Variants in NAA35 observed in about 807,000 individuals in gnomAD.
NAA35 encodes the protein MAK10 homolog, amino-acid N-acetyltransferase subunit.
A neutral mutation model predicts 101.7 loss-of-function variants in NAA35; 18 were observed. The observed-to-expected ratio is 0.18, with a 90% CI of 0.12 to 0.26. The LOEUF (loss-of-function observed/expected upper bound fraction) is 0.26, where lower values mean the gene tolerates loss of function less well. Among genes scored for constraint, NAA35 ranks in the 10% least tolerant of loss-of-function variants. The probability of loss-of-function intolerance (pLI) is 1.00; values close to 1 mark genes in which losing one functional copy is unlikely to be tolerated. For missense variants in NAA35, 601 were observed against 886.8 expected, an observed-to-expected ratio of 0.68 and a Z score of 4.09; for synonymous variants, 267 against 273.1, an observed-to-expected ratio of 0.98 and a Z score of 0.22.
chr9:86,003,361 A>G (rs868404045), intron 12 of NAA35, among the ~76,000 whole-genome samples: 2 of 152,112 alleles, frequency 1.3e-5, no homozygotes, highest in South Asian at 4.1e-4. Flanking sequence ...ACACAATTCT[A>G]TGATTGGTCA....
In NAA35 at chr9:85,966,610, AGAACT is replaced by A; in HGVS notation, c.516+4433_516+4437del. ...CTTGATCTCAGATTTCGCGGCTCCT[AGAACT>A]GATTGATTTTCATGAATATAATTTT... On this transcript the variant is annotated intron_variant, in intron 6 of 22. Transcript: ENST00000361671. The A allele has an allele frequency of 3.1e-6, 4 of 1,296,492 alleles. 1 individual carries two copies. The highest frequency in any genetic ancestry group is 2.5e-5 in the South Asian group (2 of 79,826). 80.3% of individuals were successfully genotyped at this position (1,296,492 alleles called of 1,614,324 possible). A position where few individuals can be genotyped will look rare whatever the true frequency, so the allele number is the denominator to read the frequency against.
chr9:85,987,571 C>T (rs148832305), intron 11 of NAA35, among the ~76,000 whole-genome samples: 94 of 152,228 alleles, frequency 6.2e-4, no homozygotes, highest in Middle Eastern at 3.4e-3. Flanking sequence ...TAAAAAAGTC[C>T]GTGCATACCC....
At chr9:85,981,777 T>C (rs1830450517) in intron 11 of NAA35, among the ~76,000 whole-genome samples, 1 of 152,206 alleles carries the variant, frequency 6.6e-6, no homozygotes, top group Non-Finnish European at 1.5e-5. Context: ...CCCTTAATCA[T>C]AAGCTGTACG....
chr9:85,941,757 C>G (rs1179501675), intron 1 of NAA35: 80 of 989,998 alleles, frequency 8.1e-5, no homozygotes, highest in Non-Finnish European at 9.5e-5. Flanking sequence ...CCTTGATTGA[C>G]TTCGGTAGCT....
At position 85,982,769 on chromosome 9, in the gene NAA35, C is replaced by G. The variant is rs57639111; in HGVS notation, c.877+4388C>G. Among the ~76,000 whole-genome samples the G allele has an allele frequency of 3.9e-3, 589 of 151,956 alleles. 20 individuals carry two copies. The East Asian group carries it at 0.076, about 20-fold the overall frequency. On this transcript the variant is annotated intron_variant, in intron 11 of 22. Transcript: ENST00000361671. ...TTTGCTTTCTGAAATTCCAAACAAG[C>G]AATGAAGAAGTGATTTTTTTCTTTC...
In NAA35 at chr9:86,024,079, AC is replaced by A. The variant is rs1832680364; in HGVS notation, c.*2120del. On this transcript the variant is annotated 3_prime_UTR_variant, in exon 23 of 23. Coordinates refer to ENST00000361671, the MANE Select transcript of NAA35 (RefSeq NM_024635.4). ...CCATTCAAGGTACTTACTGAAAAAA[AC>A]AATAGGAGAAATAAGACAGTCTCCT... is the stretch of plus-strand genomic sequence containing the variant. Among the ~76,000 whole-genome samples the A allele has an allele frequency of 6.6e-6, 1 of 152,258 alleles. No homozygotes were observed. The highest frequency in any genetic ancestry group is 2.4e-5 in the African/African-American group (1 of 41,474).
At position 85,975,098 on chromosome 9, in the gene NAA35, T is replaced by C. The variant is rs550791998; in HGVS notation, c.584-16T>C. On this transcript the variant is annotated splice_polypyrimidine_tract_variant and intron_variant, in intron 7 of 22. Transcript: ENST00000361671. Reference sequence around the variant, plus strand: ...TTCATATGTTTCCTTTTAAAACTTATTGTTTCTTTTTCTAGGCATGCTAAA... The same window carrying C: ...TTCATATGTTTCCTTTTAAAACTTACTGTTTCTTTTTCTAGGCATGCTAAA... 55 of 1,613,298 alleles carry C rather than the reference T, an allele frequency of 3.4e-5. No homozygotes were observed. Among genetic ancestry groups the C allele is most frequent in the African/African-American group, 2.5e-4 (19 of 74,998 alleles).
intron 5 of NAA35, among the ~76,000 whole-genome samples, chr9:85,960,099 T>A (rs544592999): frequency 1.3e-5 from 2 of 152,240 alleles, no homozygotes; most frequent in African/African-American, 2.4e-5. Flanking sequence ...GAAGATAATA[T>A]TATAGCCGTG....
chr9:86,007,361 A>G lies in NAA35; in HGVS notation c.1120A>G (p.Thr374Ala), dbSNP rs1244504344. 6.2e-7 allele frequency: 1 copy of G among 1,610,682 alleles called. No individual in the cohort carries two copies. The highest frequency in any genetic ancestry group is 1.7e-5 in the Admixed American group (1 of 59,908). Residue 374 changes from threonine (T) to alanine (A), a missense_variant, in exon 14 of 23, where the codon ACT becomes GCT. Physicochemically the swap from Thr to Ala is moderately conservative, Grantham distance 58 (BLOSUM62 0). Around this residue, in one of 8 missense-constraint regions of NAA35, gnomAD observed 190 missense variants for 223.1 expected, o/e 0.85. Coordinates refer to ENST00000361671, the MANE Select transcript of NAA35 (RefSeq NM_024635.4). Reference sequence around the variant, plus strand: ...AATATATAACATTTGTTTTAAGACCACTTTCCTGGTGGATAACAAAAAGGT... The same window carrying G: ...AATATATAACATTTGTTTTAAGACCGCTTTCCTGGTGGATAACAAAAAGGT... ...CVLSRSLLQT[T>A]FLVDNKKVFG...
intron 2 of NAA35, among the ~76,000 whole-genome samples, chr9:85,955,345 TATATATATA>T (rs1829204267): frequency 1.9e-4 from 14 of 72,982 alleles, no homozygotes; most frequent in African/African-American, 9.3e-4. Context: ...TATATATATA[TATATATATA>T]TATATATTTT....
intron 12 of NAA35, among the ~76,000 whole-genome samples, chr9:85,997,690 G>A (rs1057000175): frequency 6.6e-6 from 1 of 151,878 alleles, no homozygotes; most frequent in Non-Finnish European, 1.5e-5. Flanking sequence ...CACCATGCTG[G>A]CCAGGCTGCT....
chr9:85,943,912 C>T (rs1314435298), intron 2 of NAA35, among the ~76,000 whole-genome samples: 1 of 152,126 alleles, frequency 6.6e-6, no homozygotes, highest in Non-Finnish European at 1.5e-5. Context: ...GTTAGGGGAA[C>T]AGTAAATAAT....
In NAA35 at chr9:86,021,788, G is replaced by A. The variant is rs1008916857; in HGVS notation, c.2119-113G>A. 2.0e-5 allele frequency: 17 copies of A among 837,750 alleles called. No individual in the cohort carries two copies. In the African/African-American group the frequency reaches 3.0e-4, roughly 15 times the overall value. The allele number at this position is 837,750 out of a possible 1,614,324, so 51.9% of individuals were successfully genotyped here. Reference sequence around the variant, plus strand: ...TAACCTAGTTTTTAAAATCTATTTTGTGCTGCCTTGTTTCTAAGAACACAA... The same window carrying A: ...TAACCTAGTTTTTAAAATCTATTTTATGCTGCCTTGTTTCTAAGAACACAA... On this transcript the variant is annotated intron_variant, in intron 22 of 22. Transcript: ENST00000361671.
chr9:86,003,265 G>A (rs1831492879), intron 12 of NAA35, among the ~76,000 whole-genome samples: 1 of 152,108 alleles, frequency 6.6e-6, no homozygotes, highest in South Asian at 2.1e-4. Context: ...ATTTATTTCT[G>A]TGAAATAGGA....
At chr9:85,955,134 C>G (rs1356875094) in intron 2 of NAA35, among the ~76,000 whole-genome samples, 1 of 151,142 alleles carries the variant, frequency 6.6e-6, no homozygotes, top group African/African-American at 2.4e-5. Context: ...CCGTGCTGGT[C>G]TCAAACTCCA....
chr9:86,009,899 T>C lies in NAA35; in HGVS notation c.1258T>C (p.Cys420Arg). ...YLYNNHQAKD[C>R]IDSFVTHCVR... is the part of the protein sequence containing the mutation. ...ATATAATAATCACCAGGCTAAGGACTGTATCGACTCCTTTGTTACTCACTG... is the reference window on the plus strand; with the variant it reads ...ATATAATAATCACCAGGCTAAGGACCGTATCGACTCCTTTGTTACTCACTG... The change falls in exon 15 of 23, where the codon TGT becomes CGT. Residue 420 changes from cysteine to arginine, a missense_variant. Cys to Arg is a radical substitution (Grantham distance 180). This residue lies in a region of NAA35 where 190 missense variants were observed against 223.1 expected (regional missense o/e 0.85). Coordinates refer to ENST00000361671, the MANE Select transcript of NAA35 (RefSeq NM_024635.4). 1 of 1,613,464 alleles carries C rather than the reference T, an allele frequency of 6.2e-7. No individual in the cohort carries two copies. The highest frequency in any genetic ancestry group is 8.5e-7 in the Non-Finnish European group (1 of 1,179,440).
intron 8 of NAA35, among the ~76,000 whole-genome samples, chr9:85,975,777 A>G (rs546109340): frequency 6.6e-6 from 1 of 152,090 alleles, no homozygotes; most frequent in South Asian, 2.1e-4. Flanking sequence ...TTCTCCCACT[A>G]CTGTTTTGGG....
Position 85,963,955 on chromosome 9 carries a change from G to A in NAA35, c.516+1775G>A, listed in dbSNP as rs536101926. Among the ~76,000 whole-genome samples, 47 of 152,278 alleles carry A rather than the reference G, an allele frequency of 3.1e-4. No individual in the cohort carries two copies. In the South Asian group the frequency reaches 8.9e-3, roughly 29 times the overall value. ...AAATAAAATGGCCTTTAAATGTAAGGTGCTTAACCTCATTTTAATGCAAAT... is the reference window on the plus strand; with the variant it reads ...AAATAAAATGGCCTTTAAATGTAAGATGCTTAACCTCATTTTAATGCAAAT... On this transcript the variant is annotated intron_variant, in intron 6 of 22. Transcript: ENST00000361671.
intron 18 of NAA35, among the ~76,000 whole-genome samples, chr9:86,016,975 CAG>C (rs1471219248): frequency 6.6e-6 from 1 of 152,204 alleles, no homozygotes; most frequent in African/African-American, 2.4e-5. Context: ...GACCTATTGA[CAG>C]AGCCAGATAG....
Sources: allele counts gnomAD v4.1 joint callset (sites outside exome capture counted in the v4.1 genomes callset), GRCh38; gene constraint gnomAD v4.1.1; regional missense constraint gnomAD v4.1.1; transcripts MANE v1.5; gene names NCBI Gene and HGNC (gene_info 2026-07-23, HGNC 2026-07-21).